Variants in ACP6 observed in about 807,000 individuals in gnomAD.
ACP6 encodes the protein lysophosphatidic acid phosphatase type 6.
A neutral mutation model predicts 48.1 loss-of-function variants in ACP6; 48 were observed. The observed-to-expected ratio is 1.00, with a 90% confidence interval of 0.79 to 1.27. The LOEUF (loss-of-function observed/expected upper bound fraction) is 1.27, where lower values mean the gene tolerates loss of function less well. Ranked by LOEUF, ACP6 falls within the 50% of genes most tolerant of loss-of-function variation. ACP6 has a pLI of 0.00. For missense variants in ACP6, 485 were observed against 529.1 expected, an observed-to-expected ratio of 0.92 and a Z score of 0.82; for synonymous variants, 172 against 204.2, an observed-to-expected ratio of 0.84 and a Z score of 1.34.
chr1:147,657,489 C>T (rs188592452), intron 4 of ACP6, among the ~76,000 whole-genome samples: 9 of 152,146 alleles, frequency 5.9e-5, no homozygotes, highest in Admixed American at 1.3e-4. Flanking sequence ...GGTGCGATCT[C>T]GGCTCACTGC....
chr1:147,649,964 GT>G (rs1659831721), intron 8 of ACP6, 178 bp downstream of exon 8: 1 of 552,308 alleles, frequency 1.8e-6, no homozygotes, highest in Admixed American at 4.1e-5. Context: ...GGTAGGAGGG[GT>G]GCAGCAGGAA....
chr1:147,648,466 G>A, intron 8 of ACP6, 55 bp from the exon 9 acceptor site: 1 of 1,593,742 alleles, frequency 6.3e-7, no homozygotes, highest in Non-Finnish European at 8.6e-7. Flanking sequence ...TGAAGGTCAG[G>A]ATGTGGCCTG....
chr1:147,656,510 T>C (rs2148909616), intron 4 of ACP6, among the ~76,000 whole-genome samples: 1 of 152,312 alleles, frequency 6.6e-6, no homozygotes, highest in East Asian at 1.9e-4. Flanking sequence ...AATGATCCGA[T>C]GCCGCCTCCA....
chr1:147,649,774 C>T (rs1425845427), intron 8 of ACP6: 1 of 250,554 alleles, frequency 4.0e-6, no homozygotes, highest in African/African-American at 2.3e-5. Flanking sequence ...TTATGGATAT[C>T]ATACCTTCTT....
In ACP6 at chr1:147,659,500, G is replaced by A; in HGVS notation, c.375C>T (p.Thr125=). ...CAAACATTTGCTGCATGCCCACCTT[G>A]GTCAGCTGCCCAGCAAACATGCCCC... is the stretch of plus-strand genomic sequence containing the variant. ...LKGGMFAGQL[T]KVGMQQMFAL... Residue 125 remains threonine (T), a synonymous_variant, in exon 3 of 10, where the codon ACC becomes ACT. Coordinates refer to ENST00000583509, the MANE Select transcript of ACP6 (RefSeq NM_016361.5). 6.2e-7 allele frequency: 1 copy of A among 1,614,130 alleles called. No individual in the cohort carries two copies. The highest frequency in any genetic ancestry group is 2.2e-5 in the East Asian group (1 of 44,880).
intron 1 of ACP6, among the ~76,000 whole-genome samples, chr1:147,660,176 G>A (rs587771471): frequency 1.8e-4 from 27 of 152,318 alleles, no homozygotes; most frequent in Middle Eastern, 3.4e-3. Flanking sequence ...AGGTTTATAT[G>A]CCCTATCCCA....
rs1259754847 is a variant in ACP6, at chr1:147,644,205, A to T, written c.*3218T>A. On this transcript the variant is annotated 3_prime_UTR_variant, in exon 10 of 10. Coordinates refer to ENST00000583509, the MANE Select transcript of ACP6 (RefSeq NM_016361.5). ...AAAGTGATGAGTAGATGAAGTGATG[A>T]ATATGTTAATTAGCTTGATTTAATC... is the stretch of plus-strand genomic sequence containing the variant. 2 of 152,246 alleles carry T rather than the reference A, an allele frequency of 1.3e-5. No homozygotes were observed. The highest frequency in any genetic ancestry group is 1.3e-4 in the Admixed American group (2 of 15,286). 9.4% of individuals were successfully genotyped at this position (152,246 alleles called of 1,614,324 possible). A position where few individuals can be genotyped will look rare whatever the true frequency, so the allele number is the denominator to read the frequency against.
intron 5 of ACP6, among the ~76,000 whole-genome samples, chr1:147,631,793 G>A (rs1483370127): frequency 6.6e-6 from 1 of 151,884 alleles, no homozygotes; most frequent in African/African-American, 2.4e-5. Flanking sequence ...CAGCCTGGGC[G>A]ACAGAGTGAG....
At chr1:147,654,438 T>C (rs1570962214) in intron 5 of ACP6, 112 bp from the exon 6 acceptor site, 6 of 1,201,886 alleles carry the variant, frequency 5.0e-6, no homozygotes, top group South Asian at 1.5e-5. Flanking sequence ...CACAACCCAA[T>C]GGGGTTAGCT....
At chr1:147,662,315 A>G (rs1660586019) in intron 1 of ACP6, among the ~76,000 whole-genome samples, 1 of 152,224 alleles carries the variant, frequency 6.6e-6, no homozygotes, top group South Asian at 2.1e-4. Context: ...TATTTAAGAA[A>G]TACATTTTGT....
exon 6 of ACP6, chr1:147,630,434 C>G (rs1224906829): frequency 1.3e-5 from 2 of 152,190 alleles, no homozygotes; most frequent in Non-Finnish European, 2.9e-5. Context: ...TTGTTTTCTA[C>G]AGCCGAAGTT....
At chr1:147,635,210 A>G (rs1237228139) in intron 5 of ACP6, among the ~76,000 whole-genome samples, 1 of 152,214 alleles carries the variant, frequency 6.6e-6, no homozygotes, top group Admixed American at 6.5e-5. Context: ...AGTGACATCT[A>G]TAACTTAACT....
chr1:147,661,426 A>AT (rs587668330), intron 1 of ACP6, among the ~76,000 whole-genome samples: 106 of 152,134 alleles, frequency 7.0e-4, no homozygotes, highest in African/African-American at 2.4e-3. Flanking sequence ...AACCGCCCCC[A>AT]TATAAGATGC....
At chr1:147,647,900 G>T in intron 9 of ACP6, 1 of 489,200 alleles carries the variant, frequency 2.0e-6, no homozygotes, top group South Asian at 2.8e-5. Flanking sequence ...GGTGCTAACA[G>T]CAGCACACAT....
At chr1:147,649,248 G>A (rs1659784812) in intron 8 of ACP6, among the ~76,000 whole-genome samples, 1 of 152,104 alleles carries the variant, frequency 6.6e-6, no homozygotes, top group African/African-American at 2.4e-5. Flanking sequence ...AATCACCTGG[G>A]GATCTTGTTA....
Position 147,647,011 on chromosome 1 carries a change from G to A in ACP6, c.*412C>T, listed in dbSNP as rs782223100. Reference sequence around the variant, plus strand: ...CAGCACTGTATCACTGATTTACTCGGCTGCCTCTCCCACTGGACTGCAACA... The same window carrying A: ...CAGCACTGTATCACTGATTTACTCGACTGCCTCTCCCACTGGACTGCAACA... On this transcript the variant is annotated 3_prime_UTR_variant, in exon 10 of 10. Transcript: ENST00000583509. 2.5e-4 allele frequency: 44 copies of A among 176,960 alleles called. No homozygotes were observed. Among genetic ancestry groups the A allele is most frequent in the Non-Finnish European group, 4.5e-4 (37 of 82,788 alleles). The allele number at this position is 176,960 out of a possible 1,614,324, so 11.0% of individuals were successfully genotyped here. A position where few individuals can be genotyped will look rare whatever the true frequency, so the allele number is the denominator to read the frequency against.
At chr1:147,631,669 C>T (rs1379651985) in intron 5 of ACP6, among the ~76,000 whole-genome samples, 2 of 151,992 alleles carry the variant, frequency 1.3e-5, no homozygotes, top group South Asian at 2.1e-4. Context: ...CAAAAATTAG[C>T]GGGGCTTGGT....
intron 7 of ACP6, chr1:147,652,161 A>AC: frequency 2.8e-6 from 1 of 355,306 alleles, no homozygotes. Flanking sequence ...AGCTCCCCCC[A>AC]CCCAAATCCT....
At chr1:147,667,369 C>G (rs1488078234) in intron 1 of ACP6, among the ~76,000 whole-genome samples, 2 of 151,984 alleles carry the variant, frequency 1.3e-5, no homozygotes, top group African/African-American at 4.8e-5. Flanking sequence ...AGGCGCCCAC[C>G]ACCACACCGG....
Sources: allele counts gnomAD v4.1 joint callset (sites outside exome capture counted in the v4.1 genomes callset), GRCh38; gene constraint gnomAD v4.1.1; transcripts MANE v1.5; gene names NCBI Gene and HGNC (gene_info 2026-07-23, HGNC 2026-07-21).